The following CDS2 variants were observed in gnomAD, a reference collection of about 807,000 sequenced individuals.
CDS2 encodes the protein phosphatidate cytidylyltransferase 2.
CDS2 carries 47 observed loss-of-function variants against 59.0 expected under a neutral mutation model. The observed-to-expected ratio is 0.80, with a 90% confidence interval of 0.63 to 1.02. CDS2 has a LOEUF of 1.02. Among genes scored for constraint, CDS2 ranks in the 50% least tolerant of loss-of-function variants. The probability of loss-of-function intolerance (pLI) is 0.00; values close to 1 mark genes in which losing one functional copy is unlikely to be tolerated. For synonymous variants in CDS2, 207 were observed against 206.4 expected (o/e 1.00, Z -0.02); for missense variants, 356 against 558.9 (o/e 0.64, Z 3.66).
At position 5,168,515 on chromosome 20, in the gene CDS2, TC is replaced by T. The variant is rs1211385831; in HGVS notation, c.58-5007del. Reference sequence around the variant, plus strand: ...GAGCCTGACACAGTGCCCAAGGGATTCTCTCTAGCCATGGGCACAGCCACAC... The same window carrying T: ...GAGCCTGACACAGTGCCCAAGGGATTTCTCTAGCCATGGGCACAGCCACAC... On this transcript the variant is annotated intron_variant, in intron 1 of 12. Transcript: ENST00000460006. The T allele has an allele frequency of 1.5e-5, 7 of 474,098 alleles. No individual in the cohort carries two copies. The Admixed American group carries it at 1.5e-4, about 10-fold the overall frequency. 29.4% of individuals were successfully genotyped at this position (474,098 alleles called of 1,614,324 possible).
intron 1 of CDS2, among the ~76,000 whole-genome samples, chr20:5,166,071 A>G (rs566053366): frequency 6.6e-6 from 1 of 152,276 alleles, no homozygotes; most frequent in East Asian, 1.9e-4. Flanking sequence ...ATTTCTGGGA[A>G]GGTCCTCGTG....
chr20:5,147,227 T>C (rs750705767), intron 1 of CDS2, among the ~76,000 whole-genome samples: 1 of 152,140 alleles, frequency 6.6e-6, no homozygotes, highest in African/African-American at 2.4e-5. Context: ...CTGTTAAAAA[T>C]GGACAGATCT....
chr20:5,135,479 A>AAG (rs2090642705), intron 1 of CDS2, among the ~76,000 whole-genome samples: 1 of 152,018 alleles, frequency 6.6e-6, no homozygotes, highest in Non-Finnish European at 1.5e-5. Flanking sequence ...TGGTTCAGAA[A>AAG]AGAGACGGAC....
At chr20:5,174,720 C>CAAA (rs60174280) in intron 2 of CDS2, among the ~76,000 whole-genome samples, 1 of 117,096 alleles carries the variant, frequency 8.5e-6, no homozygotes, top group Non-Finnish European at 1.8e-5. Flanking sequence ...AACTCTGTCT[C>CAAA]AAAAAAAAAA....
Position 5,191,793 on chromosome 20 carries a change from AT to A in CDS2, c.*1562del, listed in dbSNP as rs2091117008. On this transcript the variant is annotated 3_prime_UTR_variant, in exon 13 of 13. Coordinates refer to ENST00000460006, the MANE Select transcript of CDS2 (RefSeq NM_003818.4). ...TTCTTTCCGCTGAACTTTTATTTCC[AT>A]TTCAGCCTCGTGGCTTCTCTTATTC... is the stretch of plus-strand genomic sequence containing the variant. 2.0e-5 allele frequency: 3 copies of A among 152,090 alleles called. No homozygotes were observed. The highest frequency in any genetic ancestry group is 2.0e-4 in the Admixed American group (3 of 15,274). 9.4% of individuals were successfully genotyped at this position (152,090 alleles called of 1,614,324 possible).
rs965769853 is a variant in CDS2, at chr20:5,197,152, T to C, written c.*6918T>C. Reference sequence around the variant, plus strand: ...TACTGATAATATATTTTAATTTTTATTGATGTTTAATACCTTCTGAAACAG... The same window carrying C: ...TACTGATAATATATTTTAATTTTTACTGATGTTTAATACCTTCTGAAACAG... On this transcript the variant is annotated 3_prime_UTR_variant, in exon 13 of 13. Coordinates refer to ENST00000460006, the MANE Select transcript of CDS2 (RefSeq NM_003818.4). 7 of 152,126 alleles carry C rather than the reference T, an allele frequency of 4.6e-5. No individual in the cohort carries two copies. Among genetic ancestry groups the C allele is most frequent in the African/African-American group, 1.7e-4 (7 of 41,424 alleles). 9.4% of individuals were successfully genotyped at this position (152,126 alleles called of 1,614,324 possible). A position where few individuals can be genotyped will look rare whatever the true frequency, so the allele number is the denominator to read the frequency against.
intron 1 of CDS2, among the ~76,000 whole-genome samples, chr20:5,146,644 T>G (rs2090746057): frequency 6.6e-6 from 1 of 152,240 alleles, no homozygotes; most frequent in Non-Finnish European, 1.5e-5. Flanking sequence ...TTTTAGCGTC[T>G]ATTCTTTTAT....
intron 7 of CDS2, 162 bp downstream of exon 7, chr20:5,183,305 A>G (rs1167965912): frequency 9.7e-6 from 6 of 617,590 alleles, no homozygotes; most frequent in African/African-American, 3.7e-5. Context: ...TTTTTGATTC[A>G]TTAGATCTGG....
chr20:5,131,763 A>AGATCT (rs1261512461), intron 1 of CDS2, among the ~76,000 whole-genome samples: 2 of 152,226 alleles, frequency 1.3e-5, no homozygotes, highest in Non-Finnish European at 2.9e-5. Context: ...AAGGCTGTGT[A>AGATCT]ACTTTGAGTA....
intron 5 of CDS2, among the ~76,000 whole-genome samples, chr20:5,179,500 C>T (rs1476292091): frequency 1.3e-5 from 2 of 152,216 alleles, no homozygotes; most frequent in African/African-American, 4.8e-5. Context: ...GTTTCAGCCA[C>T]CATTGAGGAA....
intron 1 of CDS2, among the ~76,000 whole-genome samples, chr20:5,147,991 C>T (rs1277343521): frequency 6.6e-6 from 1 of 152,094 alleles, no homozygotes; most frequent in Non-Finnish European, 1.5e-5. Flanking sequence ...CAAAGTCTCA[C>T]TCTGTCGGCC....
At chr20:5,189,228 C>G (rs2091094152) in intron 11 of CDS2, 42 bp downstream of exon 11, 2 of 1,612,594 alleles carry the variant, frequency 1.2e-6, no homozygotes, top group Middle Eastern at 1.7e-4. Flanking sequence ...CACTCCCTCA[C>G]CCATCTTCTG....
chr20:5,133,933 C>G (rs2090628140), intron 1 of CDS2, among the ~76,000 whole-genome samples: 1 of 152,076 alleles, frequency 6.6e-6, no homozygotes, highest in Admixed American at 6.5e-5. Context: ...ATATGATACC[C>G]AAATGTTACC....
At chr20:5,166,904 T>A (rs2090917308) in intron 1 of CDS2, among the ~76,000 whole-genome samples, 4 of 152,138 alleles carry the variant, frequency 2.6e-5, no homozygotes, top group Non-Finnish European at 5.9e-5. Context: ...GGTTTACCCA[T>A]GAAGTGGGGA....
intron 1 of CDS2, among the ~76,000 whole-genome samples, chr20:5,143,743 GTTCTTT>G (rs2090715519): frequency 1.5e-5 from 2 of 132,248 alleles, no homozygotes; most frequent in East Asian, 2.2e-4. Context: ...TCTGCTTTCA[GTTCTTT>G]TTCTTTTTCT....
Position 5,149,757 on chromosome 20 carries a change from C to T in CDS2, c.57+22608C>T, listed in dbSNP as rs377274300. 2.8e-4 allele frequency among the ~76,000 whole-genome samples: 43 copies of T among 151,208 alleles called. 1 individual carries two copies. Among genetic ancestry groups the T allele is most frequent in the Middle Eastern group, 7.1e-3 (2 of 280 alleles). The stretch of plus-strand genomic sequence containing the variant: ...TTGAGACAGAACGTCGCTCTTTTGC[C>T]GAGGCTGGAGTGAAGTGGCGTGATC... On this transcript the variant is annotated intron_variant, in intron 1 of 12. Transcript: ENST00000460006.
rs1161448400 is a variant in CDS2 at position 5,193,891 on chromosome 20, G to A, written c.*3657G>A. 1 of 152,182 alleles carries A rather than the reference G, an allele frequency of 6.6e-6. No individual in the cohort carries two copies. The highest frequency in any genetic ancestry group is 1.5e-5 in the Non-Finnish European group (1 of 68,044). The allele number at this position is 152,182 out of a possible 1,614,324, so 9.4% of individuals were successfully genotyped here. On this transcript the variant is annotated 3_prime_UTR_variant, in exon 13 of 13. Coordinates refer to ENST00000460006, the MANE Select transcript of CDS2 (RefSeq NM_003818.4). Reference sequence around the variant, plus strand: ...GCACTATTGTCTTTTGTCTTCCAGAGTAACATATCTGGGCCCACCTTTCTT... The same window carrying A: ...GCACTATTGTCTTTTGTCTTCCAGAATAACATATCTGGGCCCACCTTTCTT...
chr20:5,188,207 C>T (rs1200383063), intron 10 of CDS2, among the ~76,000 whole-genome samples: 1 of 152,112 alleles, frequency 6.6e-6, no homozygotes, highest in East Asian at 1.9e-4. Context: ...GTTATATAGT[C>T]ATGCATGGGT....
intron 3 of CDS2, chr20:5,175,536 C>A: frequency 3.0e-6 from 1 of 338,050 alleles, no homozygotes; most frequent in South Asian, 2.7e-5. Context: ...GCCTGTGATC[C>A]CAGCACTTTG....
Sources: allele counts gnomAD v4.1 joint callset (sites outside exome capture counted in the v4.1 genomes callset), GRCh38; gene constraint gnomAD v4.1.1; transcripts MANE v1.5; gene names NCBI Gene and HGNC (gene_info 2026-07-23, HGNC 2026-07-21).